Variants in SHC3 observed in about 807,000 individuals in gnomAD.
SHC3 encodes SHC adaptor protein 3, also known as SHC-transforming protein 3.
A neutral mutation model predicts 60.4 loss-of-function variants in SHC3; 15 were observed. That is an observed-to-expected ratio of 0.25 (90% CI 0.17 to 0.38). SHC3 has a LOEUF of 0.38. Ranked by LOEUF, SHC3 falls within the 10% of genes least tolerant of loss-of-function variation. The pLI is 1.00. For missense variants in SHC3, 677 were observed against 786.1 expected, an observed-to-expected ratio of 0.86 and a Z score of 1.66; for synonymous variants, 294 against 325.9, an observed-to-expected ratio of 0.90 and a Z score of 1.05.
At chr9:89,164,722 T>G (rs1826761039) in intron 1 of SHC3, among the ~76,000 whole-genome samples, 2 of 152,114 alleles carry the variant, frequency 1.3e-5, no homozygotes, top group African/African-American at 4.8e-5. Context: ...GAAAAAAACC[T>G]GATATAATTC....
intron 6 of SHC3, among the ~76,000 whole-genome samples, chr9:89,058,277 G>A (rs1824988746): frequency 6.6e-6 from 1 of 151,528 alleles, no homozygotes; most frequent in Non-Finnish European, 1.5e-5. Context: ...GAAGATGGTG[G>A]TGGAGGACGG....
At chr9:89,037,343 GA>G in intron 11 of SHC3, 1 of 601,800 alleles carries the variant, frequency 1.7e-6, no homozygotes, top group East Asian at 2.8e-5. Flanking sequence ...AACAATCCTG[GA>G]ATTTCACTCA....
At position 89,080,725 on chromosome 9, in the gene SHC3, A is replaced by C. The variant is rs368350703; in HGVS notation, c.546-2822T>G. Among the ~76,000 whole-genome samples, 1,052 of 144,636 alleles carry C rather than the reference A, an allele frequency of 7.3e-3. 5 individuals carry two copies. Among genetic ancestry groups the C allele is most frequent in the Non-Finnish European group, 9.1e-3 (607 of 66,982 alleles). 94.9% of individuals were successfully genotyped at this position (144,636 alleles called of 152,430 possible). A position where few individuals can be genotyped will look rare whatever the true frequency, so the allele number is the denominator to read the frequency against. ...GAAACGATGAAAGTAGTAAAAGAAA[A>C]CTAGGAAGAATATATATATATATAT... is the stretch of plus-strand genomic sequence containing the variant. On this transcript the variant is annotated intron_variant, in intron 2 of 11. Coordinates refer to ENST00000375835, the MANE Select transcript of SHC3 (RefSeq NM_016848.6).
intron 6 of SHC3, among the ~76,000 whole-genome samples, chr9:89,056,328 C>A (rs1472241372): frequency 2.6e-5 from 4 of 152,144 alleles, no homozygotes; most frequent in Non-Finnish European, 1.5e-5. Context: ...CTCACTGCAA[C>A]CTCAGCCTCC....
chr9:89,162,833 C>A (rs1218412707), intron 1 of SHC3, among the ~76,000 whole-genome samples: 6 of 147,324 alleles, frequency 4.1e-5, no homozygotes, highest in Non-Finnish European at 9.0e-5. Context: ...AAAATTTTCG[C>A]AAGCTACTCA....
rs1245918451 is a variant in SHC3 at position 89,011,375 on chromosome 9, T to A, written c.*2072A>T. On this transcript the variant is annotated 3_prime_UTR_variant, in exon 12 of 12. Transcript: ENST00000375835. The stretch of plus-strand genomic sequence containing the variant: ...ACAGCTCCTAACTTGCATTTCCTAC[T>A]TTGCTATTGTCCCTGAATGTTATAA... 2.6e-5 allele frequency: 4 copies of A among 152,262 alleles called. No individual in the cohort carries two copies. The highest frequency in any genetic ancestry group is 1.3e-4 in the Admixed American group (2 of 15,288). The allele number at this position is 152,262 out of a possible 1,614,324, so 9.4% of individuals were successfully genotyped here. A position where few individuals can be genotyped will look rare whatever the true frequency, so the allele number is the denominator to read the frequency against.
intron 11 of SHC3, among the ~76,000 whole-genome samples, chr9:89,035,491 T>C (rs1227813073): frequency 6.6e-6 from 1 of 152,118 alleles, no homozygotes; most frequent in East Asian, 1.9e-4. Flanking sequence ...GCATGGTACT[T>C]ATACAAGGAC....
intron 2 of SHC3, among the ~76,000 whole-genome samples, chr9:89,085,263 C>G (rs1265862628): frequency 6.6e-6 from 1 of 152,226 alleles, no homozygotes; most frequent in Non-Finnish European, 1.5e-5. Flanking sequence ...CAGCGTCTCC[C>G]TTTTGCACCA....
intron 6 of SHC3, among the ~76,000 whole-genome samples, chr9:89,063,202 T>C (rs1158904940): frequency 6.6e-6 from 1 of 152,186 alleles, no homozygotes. Flanking sequence ...CGATCTCGGC[T>C]CACTGCAACC....
At chr9:89,066,618 T>C (rs1420861093) in intron 5 of SHC3, among the ~76,000 whole-genome samples, 1 of 152,214 alleles carries the variant, frequency 6.6e-6, no homozygotes, top group African/African-American at 2.4e-5. Flanking sequence ...GTTGGTATTT[T>C]CGGCATTCAA....
chr9:89,170,840 T>C (rs1315565365), intron 1 of SHC3, among the ~76,000 whole-genome samples: 1 of 152,196 alleles, frequency 6.6e-6, no homozygotes, highest in Non-Finnish European at 1.5e-5. Flanking sequence ...AGATATTACA[T>C]TTATAGTATA....
intron 7 of SHC3, among the ~76,000 whole-genome samples, chr9:89,047,619 A>G (rs6559335): frequency 0.41 from 62,783 of 151,802 alleles, 14,750 homozygotes; most frequent in African/African-American, 0.63. Context: ...ATACACAAAA[A>G]GCCAATACAT....
intron 1 of SHC3, among the ~76,000 whole-genome samples, chr9:89,159,108 G>A (rs1039950160): frequency 2.4e-4 from 36 of 150,542 alleles, no homozygotes; most frequent in African/African-American, 8.3e-4. Context: ...CTGCTTGTAG[G>A]TCATAATAAG....
chr9:89,104,171 GA>G lies in SHC3; in HGVS notation c.545+8384del, dbSNP rs111729398. Among the ~76,000 whole-genome samples the G allele has an allele frequency of 9.4e-5, 14 of 148,618 alleles. No individual in the cohort carries two copies. The South Asian group carries it at 1.1e-3, about 11-fold the overall frequency. ...AATTTCTGGATGAGTGGGATCAATT[GA>G]AAAAAAAAATAAACAGACTCGTTTT... On this transcript the variant is annotated intron_variant, in intron 2 of 11. Coordinates refer to ENST00000375835, the MANE Select transcript of SHC3 (RefSeq NM_016848.6).
intron 2 of SHC3, among the ~76,000 whole-genome samples, chr9:89,103,755 T>C (rs888633227): frequency 2.0e-5 from 3 of 152,194 alleles, no homozygotes; most frequent in African/African-American, 7.2e-5. Context: ...GGAGATGCCA[T>C]TGTGAATCCC....
At chr9:89,023,622 T>C (rs1826240385) in intron 11 of SHC3, among the ~76,000 whole-genome samples, 2 of 152,144 alleles carry the variant, frequency 1.3e-5, no homozygotes, top group African/African-American at 4.8e-5. Flanking sequence ...TTTCCAGAAA[T>C]TCAGTAGAAA....
intron 4 of SHC3, among the ~76,000 whole-genome samples, chr9:89,074,707 A>G (rs1161144970): frequency 6.6e-6 from 1 of 151,578 alleles, no homozygotes; most frequent in Non-Finnish European, 1.5e-5. Flanking sequence ...AAAAAAAAAA[A>G]AAAAAAAAAT....
chr9:89,173,814 C>T (rs1826904969), intron 1 of SHC3, among the ~76,000 whole-genome samples: 1 of 152,110 alleles, frequency 6.6e-6, no homozygotes, highest in Non-Finnish European at 1.5e-5. Flanking sequence ...AGACAACTCA[C>T]TATCCAGATC....
chr9:89,108,949 TG>T, intron 2 of SHC3: 1 of 602,512 alleles, frequency 1.7e-6, no homozygotes, highest in Non-Finnish European at 2.1e-6. Context: ...GCCCTGCATC[TG>T]GGAATACACA....
Sources: allele counts gnomAD v4.1 joint callset (sites outside exome capture counted in the v4.1 genomes callset), GRCh38; gene constraint gnomAD v4.1.1; transcripts MANE v1.5; gene names NCBI Gene and HGNC (gene_info 2026-07-23, HGNC 2026-07-21).